The following GPC1 variants were observed in gnomAD, a reference collection of about 807,000 sequenced individuals.
The protein encoded by GPC1 is glypican-1.
Under a neutral mutation model 51.5 loss-of-function variants are expected in GPC1, and 26 were observed. That is an observed-to-expected ratio of 0.50 (90% CI 0.37 to 0.70). The LOEUF is 0.70. Ranked by LOEUF, GPC1 falls within the 30% of genes least tolerant of loss-of-function variation. The probability of loss-of-function intolerance (pLI) is 0.00; values close to 1 mark genes in which losing one functional copy is unlikely to be tolerated. For missense variants in GPC1, 775 were observed against 800.5 expected (o/e 0.97, Z 0.38); for synonymous variants, 380 against 348.3 (o/e 1.09, Z -1.01).
At chr2:240,441,901 C>G (rs1274028170) in intron 1 of GPC1, among the ~76,000 whole-genome samples, 2 of 152,184 alleles carry the variant, frequency 1.3e-5, no homozygotes, top group South Asian at 2.1e-4. Context: ...AGAGCTGCAG[C>G]CTCCTTGGCT....
intron 2 of GPC1, among the ~76,000 whole-genome samples, chr2:240,460,813 G>A (rs1387931741): frequency 1.3e-5 from 2 of 151,946 alleles, no homozygotes; most frequent in African/African-American, 4.8e-5. Flanking sequence ...CACCTCCTAT[G>A]TCCTCCCCTC....
intron 2 of GPC1, 79 bp from the exon 3 acceptor site, chr2:240,462,112 C>G (rs936656248): frequency 4.4e-6 from 6 of 1,352,550 alleles, no homozygotes; most frequent in Middle Eastern, 2.7e-4. Flanking sequence ...CTGAGTCTCC[C>G]GGGCTGAGTC....
At chr2:240,465,034 G>T (rs372781424) in intron 6 of GPC1, 43 bp from the exon 7 acceptor site, 1 of 1,578,850 alleles carries the variant, frequency 6.3e-7, no homozygotes, top group Non-Finnish European at 8.6e-7. Flanking sequence ...AGGCAGAGGC[G>T]GGCGGGCCCT....
intron 4 of GPC1, chr2:240,463,744 G>T: frequency 1.8e-6 from 1 of 562,692 alleles, no homozygotes; most frequent in Non-Finnish European, 3.2e-6. Flanking sequence ...GCCCTGTGGG[G>T]TCATAGTTTC....
intron 1 of GPC1, chr2:240,451,085 CGGA>C (rs1559197038): frequency 2.1e-6 from 1 of 469,740 alleles, no homozygotes; most frequent in Non-Finnish European, 4.4e-6. Context: ...GTGGTTGGGT[CGGA>C]GGTGAGCGGC....
chr2:240,448,672 C>A lies in GPC1; in HGVS notation c.167-10358C>A, dbSNP rs1251909771. Among the ~76,000 whole-genome samples the A allele has an allele frequency of 6.6e-6, 1 of 151,772 alleles. No homozygotes were observed. The highest frequency in any genetic ancestry group is 1.5e-5 in the Non-Finnish European group (1 of 67,978). On this transcript the variant is annotated intron_variant, in intron 1 of 8. Transcript: ENST00000264039. This position sits in a 1 kb window ranked among gnomAD's most constrained non-coding sequence, Gnocchi z 4.5. Reference sequence around the variant, plus strand: ...ATCAGGCAGGCACATGACAGGACCACCTGCTCAGAGTCTCCCTGGGCTGGG... The same window carrying A: ...ATCAGGCAGGCACATGACAGGACCAACTGCTCAGAGTCTCCCTGGGCTGGG...
chr2:240,448,356 TCTGCCAGGCAGTCCGGGTGTAGATAGTCC>T lies in GPC1; in HGVS notation c.167-10659_167-10631del, dbSNP rs1559195818. On this transcript the variant is annotated intron_variant, in intron 1 of 8. Coordinates refer to ENST00000264039, the MANE Select transcript of GPC1 (RefSeq NM_002081.3). This position sits in a 1 kb window ranked among gnomAD's most constrained non-coding sequence, Gnocchi z 4.5. ...CTCATGGGATCCTGGCATCCCTCTG[TCTGCCAGGCAGTCCGGGTGTAGATAGTCC>T]CTGCCAGGCAGTCCAGGTGTAGACA... Among the ~76,000 whole-genome samples the T allele has an allele frequency of 1.5e-5, 2 of 133,228 alleles. No homozygotes were observed. Among genetic ancestry groups the T allele is most frequent in the South Asian group, 4.8e-4 (2 of 4,166 alleles). 87.4% of individuals were successfully genotyped at this position (133,228 alleles called of 152,430 possible). A position where few individuals can be genotyped will look rare whatever the true frequency, so the allele number is the denominator to read the frequency against.
At position 240,466,251 on chromosome 2, in the gene GPC1, C is replaced by T. The variant is rs1275250579; in HGVS notation, c.1638C>T (p.Leu546=). ...QPPTFLLPLL[L]FLALTVARPR... ...CGACCTTCCTCCTGCCCCTCCTCCT[C>T]TTCCTGGCCCTTACAGTAGCCAGGC... The change falls in exon 9 of 9, where the codon CTC becomes CTT. Residue 546 remains leucine (L), a synonymous_variant. Coordinates refer to ENST00000264039, the MANE Select transcript of GPC1 (RefSeq NM_002081.3). 10 of 1,610,474 alleles carry T rather than the reference C, an allele frequency of 6.2e-6. No individual in the cohort carries two copies. Among genetic ancestry groups the T allele is most frequent in the African/African-American group, 2.7e-5 (2 of 74,874 alleles).
At chr2:240,452,506 C>T (rs953834690) in intron 1 of GPC1, 6 of 152,566 alleles carry the variant, frequency 3.9e-5, no homozygotes, top group Middle Eastern at 6.7e-3. Flanking sequence ...CCGGCTCCCC[C>T]GAGCGCCGGC....
intron 3 of GPC1, 80 bp downstream of exon 3, chr2:240,462,662 T>C (rs1022874339): frequency 7.6e-7 from 1 of 1,321,400 alleles, no homozygotes; most frequent in Non-Finnish European, 1.0e-6. Flanking sequence ...TTCCCCCTAC[T>C]TTAACCCTGT....
intron 3 of GPC1, 22 bp from the exon 4 acceptor site, chr2:240,463,325 C>T (rs1449954433): frequency 6.2e-7 from 1 of 1,610,222 alleles, no homozygotes; most frequent in African/African-American, 1.3e-5. Context: ...CGGGGCCTGG[C>T]TTAGGGTCCC....
intron 1 of GPC1, chr2:240,451,440 C>T: frequency 5.6e-6 from 2 of 355,532 alleles, no homozygotes; most frequent in Non-Finnish European, 1.1e-5. Flanking sequence ...CTGGGCAGAG[C>T]CCCAGGAGGA....
chr2:240,463,564 C>T, intron 4 of GPC1, 52 bp downstream of exon 4: 4 of 1,482,896 alleles, frequency 2.7e-6, no homozygotes, highest in Non-Finnish European at 3.7e-6. Context: ...GAGTGCACGA[C>T]TGGGGGTCCT....
At chr2:240,449,609 A>C (rs1210929455) in intron 1 of GPC1, 1 of 275,816 alleles carries the variant, frequency 3.6e-6, no homozygotes, top group Middle Eastern at 1.3e-3. Flanking sequence ...AGTGGCGTTC[A>C]GTCCATTCAT....
At chr2:240,436,977 G>A (rs2073988284) in intron 1 of GPC1, among the ~76,000 whole-genome samples, 1 of 152,224 alleles carries the variant, frequency 6.6e-6, no homozygotes, top group Non-Finnish European at 1.5e-5. Context: ...GGAACGGTGG[G>A]CTCCGTGTGC....
At chr2:240,437,969 G>T (rs1440267122) in intron 1 of GPC1, among the ~76,000 whole-genome samples, 1 of 152,232 alleles carries the variant, frequency 6.6e-6, no homozygotes, top group Non-Finnish European at 1.5e-5. Context: ...CTGGGCCAGA[G>T]AGTGTGGGTC....
At chr2:240,451,015 G>C (rs1479746010) in intron 1 of GPC1, 2 of 419,484 alleles carry the variant, frequency 4.8e-6, no homozygotes, top group Admixed American at 5.1e-5. Context: ...GGTGGTGGGG[G>C]TGGGCGCAGG....
At chr2:240,445,279 C>T (rs1316235798) in intron 1 of GPC1, among the ~76,000 whole-genome samples, 3 of 152,112 alleles carry the variant, frequency 2.0e-5, no homozygotes, top group Admixed American at 6.5e-5. Context: ...CAGACAGATA[C>T]CTGGGAAGGT....
chr2:240,461,808 C>T (rs1279512671), intron 2 of GPC1, among the ~76,000 whole-genome samples: 3 of 152,034 alleles, frequency 2.0e-5, no homozygotes, highest in Non-Finnish European at 4.4e-5. Context: ...GGGGCACAGA[C>T]CGGCCCTGCC....
Sources: gnomAD v4.1 joint callset for allele counts (sites outside exome capture counted in the v4.1 genomes callset) on GRCh38, gnomAD v4.1.1 for gene constraint, Gnocchi (gnomAD v3.1) non-coding constraint, MANE v1.5 for transcripts, NCBI Gene and HGNC (gene_info 2026-07-23, HGNC 2026-07-21) for gene names.